ATOH8: variants seen among roughly 807,000 people sequenced by gnomAD.
ATOH8 encodes transcription factor ATOH8.
Under a neutral mutation model 21.2 loss-of-function variants are expected in ATOH8, and 9 were observed. That is an observed-to-expected ratio of 0.42 (90% CI 0.26 to 0.74). ATOH8 has a LOEUF of 0.74. Ranked by LOEUF, ATOH8 falls within the 30% of genes least tolerant of loss-of-function variation. The probability of loss-of-function intolerance (pLI) is 0.24; values close to 1 mark genes in which losing one functional copy is unlikely to be tolerated. For synonymous variants in ATOH8, 253 were observed against 224.0 expected, an observed-to-expected ratio of 1.13 and a Z score of -1.16; for missense variants, 524 against 470.9, an observed-to-expected ratio of 1.11 and a Z score of -1.04.
chr2:85,789,714 C>G lies in ATOH8; in HGVS notation c.*2824C>G, dbSNP rs2104544590. On this transcript the variant is annotated 3_prime_UTR_variant, in exon 3 of 3. Transcript: ENST00000306279. The stretch of plus-strand genomic sequence containing the variant: ...TGGTCATTGGGATTTTTACAAGCTC[C>G]TCAAGTGATCTTAATGTGCAGGCAA... Among the ~76,000 whole-genome samples the G allele has an allele frequency of 6.6e-6, 1 of 152,178 alleles. No homozygotes were observed. Among genetic ancestry groups the G allele is most frequent in the East Asian group, 1.9e-4 (1 of 5,200 alleles).
intron 1 of ATOH8, among the ~76,000 whole-genome samples, chr2:85,762,516 A>G (rs949917789): frequency 1.3e-5 from 2 of 152,250 alleles, no homozygotes; most frequent in Middle Eastern, 3.4e-3. Context: ...CCCACAGTTC[A>G]TAGGGAGACT....
intron 2 of ATOH8, among the ~76,000 whole-genome samples, chr2:85,768,195 G>A (rs1415624883): frequency 2.0e-4 from 30 of 152,180 alleles, no homozygotes; most frequent in Non-Finnish European, 1.5e-5. Flanking sequence ...TCTGGAAAAT[G>A]AGATGACCAC....
intron 1 of ATOH8, chr2:85,760,743 C>T (rs1004690054): frequency 6.6e-6 from 1 of 152,234 alleles, no homozygotes; most frequent in African/African-American, 2.4e-5. Flanking sequence ...TGGCCTGGGC[C>T]CAACAGTCAC....
chr2:85,754,869 T>C lies in ATOH8; in HGVS notation c.680T>C (p.Leu227Pro), dbSNP rs1467766488. 6.2e-7 allele frequency: 1 copy of C among 1,611,474 alleles called. No individual in the cohort carries two copies. The highest frequency in any genetic ancestry group is 1.3e-5 in the African/African-American group (1 of 74,732). The change falls in exon 1 of 3, where the codon CTG (leucine) becomes CCG (proline). Residue 227 changes from leucine to proline, a missense_variant. Leu to Pro is a moderately conservative substitution (Grantham distance 98, BLOSUM62 -3). Coordinates refer to ENST00000306279, the MANE Select transcript of ATOH8 (RefSeq NM_032827.7). The part of the protein sequence containing the change: ...ATAASSEIKA[L>P]QQTRRLLANA... ...GCCGCCTCCTCCGAGATCAAAGCCC[T>C]GCAGCAGACCCGGAGGCTCCTGGCG...
intron 2 of ATOH8, chr2:85,774,917 G>T: frequency 1.1e-6 from 1 of 940,994 alleles, no homozygotes; most frequent in African/African-American, 1.8e-5. Context: ...GGAAGGCTCA[G>T]CTCCTCCTGA....
At chr2:85,772,548 C>A in intron 2 of ATOH8, 1 of 369,456 alleles carries the variant, frequency 2.7e-6, no homozygotes. Context: ...GCCTTGGCAG[C>A]CCGCCCGGCC....
At chr2:85,782,971 C>T (rs537651006) in intron 2 of ATOH8, among the ~76,000 whole-genome samples, 17 of 152,352 alleles carry the variant, frequency 1.1e-4, no homozygotes, top group Admixed American at 6.5e-5. Flanking sequence ...GCTGGGATTA[C>T]AGGCGTGACG....
At chr2:85,772,451 G>A (rs572120416) in intron 2 of ATOH8, among the ~76,000 whole-genome samples, 14 of 151,964 alleles carry the variant, frequency 9.2e-5, no homozygotes, top group Non-Finnish European at 1.8e-4. Context: ...TGTTCCGAGC[G>A]CTCGCTGGGA....
chr2:85,776,941 G>A (rs942420320), intron 2 of ATOH8, among the ~76,000 whole-genome samples: 3 of 151,958 alleles, frequency 2.0e-5, no homozygotes, highest in Non-Finnish European at 4.4e-5. Flanking sequence ...CCACCACCAC[G>A]TACACACGAG....
At chr2:85,755,757 T>A (rs1679672979) in intron 1 of ATOH8, among the ~76,000 whole-genome samples, 1 of 152,102 alleles carries the variant, frequency 6.6e-6, no homozygotes. Context: ...TTACCCGTGG[T>A]GGGGCGGGAC....
chr2:85,779,267 G>C (rs544945098), intron 2 of ATOH8, among the ~76,000 whole-genome samples: 1 of 152,258 alleles, frequency 6.6e-6, no homozygotes, highest in Non-Finnish European at 1.5e-5. Context: ...GGGCCAGCTC[G>C]ACCCTCACAA....
chr2:85,761,105 G>A (rs1679859897), intron 1 of ATOH8, among the ~76,000 whole-genome samples: 1 of 152,188 alleles, frequency 6.6e-6, no homozygotes, highest in Admixed American at 6.5e-5. Flanking sequence ...CTGCCTCTAG[G>A]GGTCGGGGAG....
intron 2 of ATOH8, among the ~76,000 whole-genome samples, chr2:85,777,363 G>A (rs535207699): frequency 6.6e-6 from 1 of 152,290 alleles, no homozygotes; most frequent in East Asian, 1.9e-4. Flanking sequence ...TCAGGCCATG[G>A]AGCAGGTACA....
intron 2 of ATOH8, among the ~76,000 whole-genome samples, chr2:85,767,580 T>TTCCCTCCCCTCCCCTCCCCTCC (rs1680052335): frequency 6.9e-4 from 55 of 79,214 alleles, no homozygotes; most frequent in Non-Finnish European, 7.7e-4. Context: ...CCCTCCCCTC[T>TTCCCTCCCCTCCCCTCCCCTCC]CCTTCCCTTC....
rs1269944322 is a variant in ATOH8 at position 85,790,978 on chromosome 2, C to T, written c.*4088C>T. On this transcript the variant is annotated 3_prime_UTR_variant, in exon 3 of 3. Coordinates refer to ENST00000306279, the MANE Select transcript of ATOH8 (RefSeq NM_032827.7). ...CTTTGAGTGGATCTGTACCGTTGTT[C>T]TCGTCTTGCTCTCTTGCTGCCCTGC... is the stretch of plus-strand genomic sequence containing the variant. Among the ~76,000 whole-genome samples, 1 of 152,210 alleles carries T rather than the reference C, an allele frequency of 6.6e-6. No homozygotes were observed. Among genetic ancestry groups the T allele is most frequent in the Non-Finnish European group, 1.5e-5 (1 of 68,034 alleles).
Position 85,754,944 on chromosome 2 carries a change from C to A in ATOH8, c.755C>A (p.Ala252Glu). ...RVHTISAAFEALRKQVPCYSY... is the reference protein window; with the variant it reads ...RVHTISAAFEELRKQVPCYSY... ...CACACCATCAGCGCAGCCTTCGAGG[C>A]GCTCAGGAAGCAGGTACCCGCTCGC... is the stretch of plus-strand genomic sequence containing the variant. Residue 252 changes from alanine to glutamate, a missense_variant, in exon 1 of 3, where the codon GCG becomes GAG. Ala to Glu is a moderately radical substitution (Grantham distance 107, BLOSUM62 -1). Transcript: ENST00000306279. 6.3e-7 allele frequency: 1 copy of A among 1,595,472 alleles called. No individual in the cohort carries two copies. The highest frequency in any genetic ancestry group is 8.5e-7 in the Non-Finnish European group (1 of 1,175,010).
At chr2:85,783,955 A>C (rs182271897) in intron 2 of ATOH8, among the ~76,000 whole-genome samples, 1 of 152,114 alleles carries the variant, frequency 6.6e-6, no homozygotes, top group African/African-American at 2.4e-5. Flanking sequence ...AATCAGACCT[A>C]GGCTAGACCA....
In ATOH8 at chr2:85,791,237, T is replaced by C. The variant is rs1680760309; in HGVS notation, c.*4347T>C. Among the ~76,000 whole-genome samples the C allele has an allele frequency of 6.6e-6, 1 of 152,228 alleles. No individual in the cohort carries two copies. The highest frequency in any genetic ancestry group is 1.5e-5 in the Non-Finnish European group (1 of 68,026). ...TGTTTTCCAGAACTGTGGGTACGTG[T>C]CTAATCTCAGATGGTACTATGAATT... On this transcript the variant is annotated 3_prime_UTR_variant, in exon 3 of 3. Coordinates refer to ENST00000306279, the MANE Select transcript of ATOH8 (RefSeq NM_032827.7).
At chr2:85,783,835 T>C (rs1680558838) in intron 2 of ATOH8, among the ~76,000 whole-genome samples, 1 of 150,150 alleles carries the variant, frequency 6.7e-6, no homozygotes, top group Non-Finnish European at 1.5e-5. Flanking sequence ...TTTGCAATTA[T>C]GCACCCCCAC....
Sources: gnomAD v4.1 joint callset for allele counts (sites outside exome capture counted in the v4.1 genomes callset) on GRCh38, gnomAD v4.1.1 for gene constraint, MANE v1.5 for transcripts, NCBI Gene and HGNC (gene_info 2026-07-23, HGNC 2026-07-21) for gene names.